TCERG1: variants seen among roughly 807,000 people sequenced by gnomAD.
TCERG1 encodes the protein transcription elongation regulator 1, also known as TATA box binding protein (TBP)-associated factor, RNA polymerase II, S, 150kD.
TCERG1 carries 37 observed loss-of-function variants against 144.7 expected under a neutral mutation model. The observed-to-expected ratio is 0.26, with a 90% CI of 0.20 to 0.34. The LOEUF is 0.34. Among genes scored for constraint, TCERG1 ranks in the 10% least tolerant of loss-of-function variants. The pLI is 1.00. For synonymous variants in TCERG1, 492 were observed against 458.2 expected, an observed-to-expected ratio of 1.07 and a Z score of -0.94; for missense variants, 1,027 against 1,380.7, an observed-to-expected ratio of 0.74 and a Z score of 4.06.
At chr5:146,501,004 CAAAAAAA>C (rs56318938) in intron 17 of TCERG1, among the ~76,000 whole-genome samples, 22 of 132,428 alleles carry the variant, frequency 1.7e-4, no homozygotes, top group Non-Finnish European at 2.3e-4. Context: ...GGGATTCTTT[CAAAAAAA>C]AAAAAAAAGA....
At chr5:146,495,072 A>G (rs1366867247) in intron 16 of TCERG1, among the ~76,000 whole-genome samples, 1 of 151,720 alleles carries the variant, frequency 6.6e-6, no homozygotes. Flanking sequence ...TAAGTCTAAA[A>G]TAAATCAGTT....
intron 18 of TCERG1, 65 bp from the exon 19 acceptor site, chr5:146,503,755 CTAGT>C: frequency 2.0e-6 from 3 of 1,495,724 alleles, no homozygotes; most frequent in South Asian, 1.4e-5. Flanking sequence ...ATTTGGCAAG[CTAGT>C]TATTCTGTAA....
At chr5:146,447,658 C>T (rs578076583) in intron 1 of TCERG1, among the ~76,000 whole-genome samples, 2 of 152,358 alleles carry the variant, frequency 1.3e-5, no homozygotes, top group South Asian at 4.1e-4. Context: ...CGCCGCCTCT[C>T]GCGGCCTGCA....
chr5:146,504,050 T>C (rs768776587), intron 19 of TCERG1, 44 bp downstream of exon 19: 2 of 1,404,238 alleles, frequency 1.4e-6, no homozygotes, highest in East Asian at 4.9e-5. Flanking sequence ...GTACTGGATA[T>C]TGGAAATTTA....
At chr5:146,509,991 A>C in intron 22 of TCERG1, 12 of 1,218,200 alleles carry the variant, frequency 9.9e-6, no homozygotes, top group African/African-American at 1.6e-5. Flanking sequence ...TTTTTTGGTC[A>C]GGATCCTTAA....
Position 146,507,858 on chromosome 5 carries a change from C to T in TCERG1, c.2962-15C>T. On this transcript the variant is annotated splice_polypyrimidine_tract_variant and intron_variant, in intron 20 of 22. Coordinates refer to ENST00000679501, the MANE Select transcript of TCERG1 (RefSeq NM_001382548.1). The surrounding 1 kb of genome is among the most constrained non-coding windows in gnomAD (Gnocchi z 4.6). ...GTGAGTTGTATTTATGTTTTTTATT[C>T]ATGTCTTTTCAAAGATTACCTTAAC... 1 of 1,579,590 alleles carries T rather than the reference C, an allele frequency of 6.3e-7. No individual in the cohort carries two copies. Among genetic ancestry groups the T allele is most frequent in the Non-Finnish European group, 8.7e-7 (1 of 1,154,450 alleles).
chr5:146,502,280 C>T (rs755724886), intron 17 of TCERG1, among the ~76,000 whole-genome samples: 1 of 152,118 alleles, frequency 6.6e-6, no homozygotes, highest in Non-Finnish European at 1.5e-5. Flanking sequence ...TATTTTTGTG[C>T]ATACACATTT....
At chr5:146,478,771 A>G (rs534665233) in intron 10 of TCERG1, 118 bp downstream of exon 10, 80 of 1,017,968 alleles carry the variant, frequency 7.9e-5, no homozygotes, top group Admixed American at 3.0e-4. Context: ...AAGCATTCGA[A>G]AAAAATAGAC....
At chr5:146,465,612 C>A (rs1763706437) in intron 5 of TCERG1, among the ~76,000 whole-genome samples, 2 of 151,966 alleles carry the variant, frequency 1.3e-5, no homozygotes, top group Non-Finnish European at 2.9e-5. Flanking sequence ...GAAGCAGTAC[C>A]TGTGAAGTTT....
chr5:146,486,498 A>G (rs1765842907), intron 15 of TCERG1, among the ~76,000 whole-genome samples: 1 of 152,234 alleles, frequency 6.6e-6, no homozygotes, highest in African/African-American at 2.4e-5. Flanking sequence ...TCTGACATAG[A>G]TAGTCGTTAT....
chr5:146,503,504 G>A lies in TCERG1; in HGVS notation c.2563G>A (p.Asp855Asn), dbSNP rs1423211089. ...AGTAGATAGTTCATCAATGAGAGAA[G>A]ACCTTTTCAAACAGTACATTGAAAA... is the stretch of plus-strand genomic sequence containing the variant. ...KAVDSSSMREDLFKQYIEKIA... is the reference protein window; with the variant it reads ...KAVDSSSMRENLFKQYIEKIA... Residue 855 changes from aspartate to asparagine, a missense_variant, in exon 18 of 23, where the codon GAC becomes AAC. By Grantham distance (23) the Asp-to-Asn change is conservative. Transcript: ENST00000679501. The A allele has an allele frequency of 1.2e-6, 2 of 1,613,686 alleles. No individual in the cohort carries two copies. The highest frequency in any genetic ancestry group is 1.3e-5 in the African/African-American group (1 of 74,898).
chr5:146,473,336 A>G (rs1042882010), intron 9 of TCERG1, among the ~76,000 whole-genome samples: 2 of 152,206 alleles, frequency 1.3e-5, no homozygotes, highest in African/African-American at 2.4e-5. Flanking sequence ...CTGCAGAAGA[A>G]GAGTTGGAAG....
chr5:146,499,177 C>T (rs1024360140), intron 17 of TCERG1, among the ~76,000 whole-genome samples: 1 of 152,102 alleles, frequency 6.6e-6, no homozygotes, highest in African/African-American at 2.4e-5. Context: ...CATTTGATAG[C>T]AGTGTCAGGA....
At chr5:146,463,454 C>G in intron 4 of TCERG1, 97 bp from the exon 5 acceptor site, 1 of 1,554,016 alleles carries the variant, frequency 6.4e-7, no homozygotes, top group Non-Finnish European at 8.7e-7. Flanking sequence ...AGAATGGTCC[C>G]TTAAATACTT....
At chr5:146,454,570 T>G (rs919055228) in intron 1 of TCERG1, among the ~76,000 whole-genome samples, 1 of 128,276 alleles carries the variant, frequency 7.8e-6, no homozygotes, top group South Asian at 2.5e-4. Flanking sequence ...TTGATGTAAG[T>G]TTTTTTTTTT....
At chr5:146,500,175 A>G (rs1422720472) in intron 17 of TCERG1, among the ~76,000 whole-genome samples, 2 of 147,886 alleles carry the variant, frequency 1.4e-5, no homozygotes, top group African/African-American at 4.9e-5. Flanking sequence ...TTACTAGATT[A>G]AAAAAAAAAG....
rs763909796 is a variant in TCERG1 at position 146,509,261 on chromosome 5, T to C, written c.3146+16T>C. ...TAACATATAGGTGTGTGCAATGAAA[T>C]GTTTCATATTGGCAGTCATTCTCTT... On this transcript the variant is annotated intron_variant, in intron 22 of 22. Transcript: ENST00000679501. 2 of 1,519,488 alleles carry C rather than the reference T, an allele frequency of 1.3e-6. No homozygotes were observed. The highest frequency in any genetic ancestry group is 3.6e-5 in the Admixed American group (2 of 55,686). 94.1% of individuals were successfully genotyped at this position (1,519,488 alleles called of 1,614,324 possible).
At chr5:146,506,157 A>G (rs1767973987) in intron 19 of TCERG1, among the ~76,000 whole-genome samples, 1 of 152,192 alleles carries the variant, frequency 6.6e-6, no homozygotes, top group Non-Finnish European at 1.5e-5. Context: ...AGCACGGTAT[A>G]TATCTGACTT....
chr5:146,486,194 T>G (rs999303605), intron 15 of TCERG1, among the ~76,000 whole-genome samples: 1 of 152,266 alleles, frequency 6.6e-6, no homozygotes, highest in Non-Finnish European at 1.5e-5. Context: ...ATTTCATATT[T>G]GCAGTTTGTG....
Sources: gnomAD v4.1 joint callset for allele counts (sites outside exome capture counted in the v4.1 genomes callset) on GRCh38, gnomAD v4.1.1 for gene constraint, Gnocchi (gnomAD v3.1) non-coding constraint, MANE v1.5 for transcripts, NCBI Gene and HGNC (gene_info 2026-07-23, HGNC 2026-07-21) for gene names.